Variants in CSMD3 observed in about 807,000 individuals in gnomAD.
CSMD3 encodes CUB and Sushi multiple domains 3, also known as CUB and sushi domain-containing protein 3.
Under a neutral mutation model 435.2 loss-of-function variants are expected in CSMD3, and 177 were observed. The observed-to-expected ratio is 0.41, with a 90% CI of 0.36 to 0.46. The LOEUF is 0.46. CSMD3 is among the 20% of genes least tolerant of loss of function. The pLI, the probability that CSMD3 is intolerant of heterozygous loss-of-function variation, is 0.34. For missense variants in CSMD3, 4,265 were observed against 4,504.6 expected (o/e 0.95, Z 1.52); for synonymous variants, 1,656 against 1,520.5 (o/e 1.09, Z -2.07).
intron 6 of CSMD3, among the ~76,000 whole-genome samples, chr8:113,008,114 G>A (rs919414771): frequency 1.3e-5 from 2 of 151,654 alleles, no homozygotes; most frequent in East Asian, 1.9e-4. Context: ...AGCTTTCAAA[G>A]GAGTATTTTT....
At chr8:112,533,105 T>C (rs975109450) in intron 27 of CSMD3, among the ~76,000 whole-genome samples, 2 of 151,946 alleles carry the variant, frequency 1.3e-5, no homozygotes, top group East Asian at 1.9e-4. Context: ...TCACAAAACA[T>C]AGACTTATAA....
chr8:113,112,999 C>T (rs1026179879), intron 4 of CSMD3, among the ~76,000 whole-genome samples: 22 of 152,260 alleles, frequency 1.4e-4, no homozygotes, highest in African/African-American at 5.1e-4. Context: ...GCCTATTTAT[C>T]CCCGCAATGC....
intron 2 of CSMD3, among the ~76,000 whole-genome samples, chr8:113,280,180 T>C (rs1423425963): frequency 2.0e-5 from 3 of 151,958 alleles, no homozygotes; most frequent in Admixed American, 6.6e-5. Context: ...GCTGGCTTCA[T>C]AGAATGAATT....
At chr8:112,347,880 G>A (rs749386523) in intron 40 of CSMD3, among the ~76,000 whole-genome samples, 1 of 152,102 alleles carries the variant, frequency 6.6e-6, no homozygotes, top group Non-Finnish European at 1.5e-5. Flanking sequence ...TGAGTAAAAG[G>A]CAAGGACTAT....
intron 6 of CSMD3, among the ~76,000 whole-genome samples, chr8:113,017,703 A>G (rs1374236469): frequency 2.0e-5 from 3 of 152,136 alleles, no homozygotes; most frequent in Admixed American, 6.5e-5. Context: ...GAAGCTTCAC[A>G]ATATCTTATT....
intron 38 of CSMD3, among the ~76,000 whole-genome samples, chr8:112,380,006 T>A (rs1222005883): frequency 1.3e-5 from 2 of 152,140 alleles, no homozygotes; most frequent in Non-Finnish European, 2.9e-5. Flanking sequence ...GTTCAATGGG[T>A]ATAAAGTTTC....
chr8:112,596,511 C>T lies in CSMD3; in HGVS notation c.3716-9276G>A, dbSNP rs577014714. Reference sequence around the variant, plus strand: ...GAATTGAACTCAGCTCTGCACCAAGCGGACCTAATAGACATCTACAGAACT... The same window carrying T: ...GAATTGAACTCAGCTCTGCACCAAGTGGACCTAATAGACATCTACAGAACT... On this transcript the variant is annotated intron_variant, in intron 22 of 70. Coordinates refer to ENST00000297405, the MANE Select transcript of CSMD3 (RefSeq NM_198123.2). 1.0e-3 allele frequency among the ~76,000 whole-genome samples: 158 copies of T among 152,204 alleles called. 1 individual carries two copies. Among genetic ancestry groups the T allele is most frequent in the African/African-American group, 3.3e-3 (137 of 41,534 alleles).
intron 35 of CSMD3, among the ~76,000 whole-genome samples, chr8:112,399,657 A>G (rs1831154239): frequency 6.6e-6 from 1 of 152,140 alleles, no homozygotes; most frequent in Non-Finnish European, 1.5e-5. Flanking sequence ...TCAGCCAAAT[A>G]TTCAATTTCA....
intron 34 of CSMD3, among the ~76,000 whole-genome samples, chr8:112,407,181 C>A (rs1423257813): frequency 6.6e-6 from 1 of 151,656 alleles, no homozygotes; most frequent in African/African-American, 2.4e-5. Flanking sequence ...GCAAACAGTA[C>A]TTTATTAGTT....
At chr8:112,295,120 A>C (rs2130707951) in intron 54 of CSMD3, among the ~76,000 whole-genome samples, 1 of 152,204 alleles carries the variant, frequency 6.6e-6, no homozygotes, top group Admixed American at 6.5e-5. Flanking sequence ...CCTCATAAAT[A>C]ATTTTTAATT....
chr8:113,145,780 A>T (rs1404022756), intron 4 of CSMD3, among the ~76,000 whole-genome samples: 1 of 151,624 alleles, frequency 6.6e-6, no homozygotes, highest in African/African-American at 2.4e-5. Flanking sequence ...CTTAATAAAG[A>T]TGTCTTTATG....
intron 31 of CSMD3, among the ~76,000 whole-genome samples, chr8:112,481,011 A>G (rs1279730730): frequency 6.6e-6 from 1 of 152,178 alleles, no homozygotes; most frequent in East Asian, 1.9e-4. Flanking sequence ...CCATGATCCA[A>G]CTATATTACA....
chr8:113,320,820 A>G (rs2093944443), intron 1 of CSMD3, among the ~76,000 whole-genome samples: 1 of 152,080 alleles, frequency 6.6e-6, no homozygotes, highest in Non-Finnish European at 1.5e-5. Flanking sequence ...CTTAGCAACC[A>G]CAGATATAGC....
At chr8:112,610,091 A>G (rs1833138145) in intron 22 of CSMD3, among the ~76,000 whole-genome samples, 1 of 152,140 alleles carries the variant, frequency 6.6e-6, no homozygotes, top group Non-Finnish European at 1.5e-5. Context: ...TGGAGACCAG[A>G]CACACAGCAT....
chr8:112,689,968 A>G lies in CSMD3; in HGVS notation c.2055T>C (p.Val685=). The change falls in exon 14 of 71, where the codon GTT becomes GTC. Residue 685 remains valine (V), a synonymous_variant. Coordinates refer to ENST00000297405, the MANE Select transcript of CSMD3 (RefSeq NM_198123.2). ...REGDGFSNRD[V]LRFECQFGFE... ...ACCCAAACTGGCATTCAAACCTTAA[A>G]ACATCACGATTAGAAAATCCATCGC... is the stretch of plus-strand genomic sequence containing the variant. The G allele has an allele frequency of 1.2e-6, 2 of 1,613,238 alleles. No individual in the cohort carries two copies. Among genetic ancestry groups the G allele is most frequent in the East Asian group, 2.2e-5 (1 of 44,800 alleles).
At chr8:112,799,139 C>T (rs1282973987) in intron 13 of CSMD3, among the ~76,000 whole-genome samples, 1 of 151,682 alleles carries the variant, frequency 6.6e-6, no homozygotes, top group African/African-American at 2.4e-5. Context: ...TCAAGCTAAC[C>T]TTTTTAATAA....
chr8:112,342,049 T>G (rs1370295042), intron 41 of CSMD3, among the ~76,000 whole-genome samples: 1 of 152,262 alleles, frequency 6.6e-6, no homozygotes. Context: ...ATTTGTGTTA[T>G]GGAAAAGGTC....
intron 32 of CSMD3, among the ~76,000 whole-genome samples, chr8:112,450,946 A>G (rs867902443): frequency 2.4e-4 from 37 of 152,222 alleles, no homozygotes; most frequent in South Asian, 4.1e-4. Context: ...CATCAAATAC[A>G]TATATAAACA....
intron 11 of CSMD3, among the ~76,000 whole-genome samples, chr8:112,856,022 G>A (rs2080647835): frequency 6.6e-6 from 1 of 151,896 alleles, no homozygotes; most frequent in Non-Finnish European, 1.5e-5. Flanking sequence ...ATTGAGGTAT[G>A]TCTTCAGTCT....
Sources: gnomAD v4.1 joint callset for allele counts (sites outside exome capture counted in the v4.1 genomes callset) on GRCh38, gnomAD v4.1.1 for gene constraint, MANE v1.5 for transcripts, NCBI Gene and HGNC (gene_info 2026-07-23, HGNC 2026-07-21) for gene names.